FUT9: variants seen among roughly 807,000 people sequenced by gnomAD.
FUT9 encodes fucosyltransferase 9, also known as 4-galactosyl-N-acetylglucosaminide 3-alpha-L-fucosyltransferase 9.
A neutral mutation model predicts 29.7 loss-of-function variants in FUT9; 15 were observed. That is an observed-to-expected ratio of 0.51 (90% CI 0.34 to 0.78). The LOEUF is 0.78. Among genes scored for constraint, FUT9 ranks in the 30% least tolerant of loss-of-function variants. The pLI, the probability that FUT9 is intolerant of heterozygous loss-of-function variation, is 0.01. For synonymous variants in FUT9, 169 were observed against 153.7 expected (o/e 1.10, Z -0.74); for missense variants, 319 against 425.4 (o/e 0.75, Z 2.20).
chr6:96,065,796 T>C (rs1461844073), intron 1 of FUT9, among the ~76,000 whole-genome samples: 2 of 152,072 alleles, frequency 1.3e-5, no homozygotes, highest in African/African-American at 2.4e-5. Flanking sequence ...AATAACAAAA[T>C]TGATAGGAAA....
chr6:96,202,964 G>A (rs1425632533), intron 2 of FUT9, among the ~76,000 whole-genome samples, 184 bp from the exon 3 acceptor site: 1 of 152,158 alleles, frequency 6.6e-6, no homozygotes, highest in Non-Finnish European at 1.5e-5. Flanking sequence ...CCTTTTGAAA[G>A]CTGTTTCTTG....
At chr6:96,069,219 G>A (rs1771011619) in intron 1 of FUT9, among the ~76,000 whole-genome samples, 1 of 152,042 alleles carries the variant, frequency 6.6e-6, no homozygotes, top group South Asian at 2.1e-4. Context: ...GGAGGCACAG[G>A]CAGGAGCATT....
intron 2 of FUT9, among the ~76,000 whole-genome samples, chr6:96,134,023 C>T (rs546460597): frequency 6.6e-6 from 1 of 151,004 alleles, no homozygotes; most frequent in East Asian, 1.9e-4. Context: ...AGTATAGAAG[C>T]CCACAAAATA....
rs139043951 is a variant in FUT9, at chr6:96,104,973, A to G, written c.-97-9066A>G. On this transcript the variant is annotated intron_variant, in intron 1 of 2. Coordinates refer to ENST00000302103, the MANE Select transcript of FUT9 (RefSeq NM_006581.4). ...CAAATAAGAACAAAGATAAAGAGTC[A>G]TCTCGAGGCTTCGTATCAGGCAATC... is the stretch of plus-strand genomic sequence containing the variant. Among the ~76,000 whole-genome samples the G allele has an allele frequency of 9.1e-3, 1,389 of 152,320 alleles. 10 individuals carry two copies. The highest frequency in any genetic ancestry group is 0.021 in the Admixed American group (319 of 15,294).
At chr6:96,070,075 A>G (rs1771032651) in intron 1 of FUT9, among the ~76,000 whole-genome samples, 2 of 152,232 alleles carry the variant, frequency 1.3e-5, no homozygotes, top group Non-Finnish European at 2.9e-5. Flanking sequence ...GAATTACAGA[A>G]TATTTAACTT....
intron 1 of FUT9, among the ~76,000 whole-genome samples, chr6:96,023,330 C>G (rs62418399): frequency 6.6e-6 from 1 of 151,734 alleles, no homozygotes; most frequent in African/African-American, 2.4e-5. Context: ...TATCAGCTGC[C>G]GTGGTTGATA....
At chr6:96,048,382 T>A (rs919036041) in intron 1 of FUT9, among the ~76,000 whole-genome samples, 1 of 152,100 alleles carries the variant, frequency 6.6e-6, no homozygotes, top group Admixed American at 6.5e-5. Context: ...ATAAATTTGA[T>A]GAAAATGAGC....
chr6:96,120,269 CTTT>C (rs11347804), intron 2 of FUT9, among the ~76,000 whole-genome samples: 5 of 91,462 alleles, frequency 5.5e-5, no homozygotes, highest in African/African-American at 8.0e-5. Flanking sequence ...TTTTTTCTTT[CTTT>C]TTTTTTTTTT....
chr6:96,151,227 A>G (rs1023942138), intron 2 of FUT9, among the ~76,000 whole-genome samples: 13 of 152,174 alleles, frequency 8.5e-5, no homozygotes, highest in Non-Finnish European at 1.8e-4. Flanking sequence ...ATTAAACTTG[A>G]TAGTGGGTTA....
intron 2 of FUT9, among the ~76,000 whole-genome samples, chr6:96,190,267 A>C (rs1262504981): frequency 6.6e-6 from 1 of 152,192 alleles, no homozygotes; most frequent in Non-Finnish European, 1.5e-5. Context: ...AGTTTCTGCC[A>C]AGAGATCAGC....
intron 1 of FUT9, among the ~76,000 whole-genome samples, chr6:96,056,039 C>A (rs1582198736): frequency 6.6e-6 from 1 of 152,072 alleles, no homozygotes; most frequent in Non-Finnish European, 1.5e-5. Flanking sequence ...CTATTTCTAT[C>A]TAGCTTAAGT....
intron 1 of FUT9, among the ~76,000 whole-genome samples, chr6:96,057,139 A>G (rs1410960721): frequency 6.6e-6 from 1 of 152,222 alleles, no homozygotes; most frequent in Non-Finnish European, 1.5e-5. Flanking sequence ...TAAAGGGTTT[A>G]TTGGGACATA....
chr6:96,177,449 A>G (rs2127984910), intron 2 of FUT9, among the ~76,000 whole-genome samples: 1 of 152,224 alleles, frequency 6.6e-6, no homozygotes, highest in South Asian at 2.1e-4. Flanking sequence ...TCTAGAAATG[A>G]AAAAATTAAG....
At chr6:96,119,252 A>T (rs1036940457) in intron 2 of FUT9, among the ~76,000 whole-genome samples, 1 of 152,086 alleles carries the variant, frequency 6.6e-6, no homozygotes, top group African/African-American at 2.4e-5. Context: ...CAGGTGTACG[A>T]TTTTTTATCT....
chr6:96,026,377 G>A (rs918165376), intron 1 of FUT9, among the ~76,000 whole-genome samples: 1 of 151,610 alleles, frequency 6.6e-6, no homozygotes, highest in Admixed American at 6.6e-5. Flanking sequence ...TTGTATTTAA[G>A]CTGCAATATT....
chr6:96,085,026 T>G (rs1771292624), intron 1 of FUT9, among the ~76,000 whole-genome samples: 1 of 152,186 alleles, frequency 6.6e-6, no homozygotes, highest in African/African-American at 2.4e-5. Context: ...ATTTCCCAGT[T>G]TGACTATTTG....
At chr6:96,142,677 G>T (rs1232590062) in intron 2 of FUT9, among the ~76,000 whole-genome samples, 1 of 150,676 alleles carries the variant, frequency 6.6e-6, no homozygotes, top group Non-Finnish European at 1.5e-5. Flanking sequence ...GGTCAGTATT[G>T]CAGGTTGTTA....
At chr6:96,020,343 T>C (rs917638396) in intron 1 of FUT9, among the ~76,000 whole-genome samples, 1 of 152,168 alleles carries the variant, frequency 6.6e-6, no homozygotes, top group African/African-American at 2.4e-5. Context: ...AAAATGCACT[T>C]ACAGTTTCAT....
At position 96,210,241 on chromosome 6, in the gene FUT9, A is replaced by T. The variant is rs957808380; in HGVS notation, c.*6006A>T. On this transcript the variant is annotated 3_prime_UTR_variant, in exon 3 of 3. Coordinates refer to ENST00000302103, the MANE Select transcript of FUT9 (RefSeq NM_006581.4). ...TGGAATCTTCTTAAATATATCGGTA[A>T]AGTATTCTACTTCAAAATCCAAGAC... 1.2e-5 allele frequency: 2 copies of T among 166,894 alleles called. No homozygotes were observed. Among genetic ancestry groups the T allele is most frequent in the African/African-American group, 4.8e-5 (2 of 41,430 alleles). The allele number at this position is 166,894 out of a possible 1,614,324, so 10.3% of individuals were successfully genotyped here. A position where few individuals can be genotyped will look rare whatever the true frequency, so the allele number is the denominator to read the frequency against.
Sources: gnomAD v4.1 joint callset for allele counts (sites outside exome capture counted in the v4.1 genomes callset) on GRCh38, gnomAD v4.1.1 for gene constraint, MANE v1.5 for transcripts, NCBI Gene and HGNC (gene_info 2026-07-23, HGNC 2026-07-21) for gene names.